Variants in RBFOX3 observed in about 807,000 individuals in gnomAD.
RBFOX3 encodes RNA binding protein fox-1 homolog 3.
Under a neutral mutation model 48.7 loss-of-function variants are expected in RBFOX3, and 17 were observed. The ratio of observed to expected loss-of-function variants is 0.35; its 90% CI spans 0.24 to 0.52. RBFOX3 has a LOEUF of 0.52. Among genes scored for constraint, RBFOX3 ranks in the 20% least tolerant of loss-of-function variants. RBFOX3 has a pLI of 0.94. For missense variants in RBFOX3, 382 were observed against 497.5 expected (o/e 0.77, Z 2.21); for synonymous variants, 212 against 209.5 (o/e 1.01, Z -0.10).
At chr17:79,520,586 C>T (rs1410331484) in intron 1 of RBFOX3, among the ~76,000 whole-genome samples, 1 of 152,254 alleles carries the variant, frequency 6.6e-6, no homozygotes, top group Non-Finnish European at 1.5e-5. Context: ...TGCTCTGCCT[C>T]ATGCACAGGG....
chr17:79,590,425 C>T (rs1426874931), intron 1 of RBFOX3, among the ~76,000 whole-genome samples: 1 of 152,212 alleles, frequency 6.6e-6, no homozygotes, highest in Admixed American at 6.5e-5. Flanking sequence ...GCTGGAAACT[C>T]ATTCTTCACA....
intron 4 of RBFOX3, among the ~76,000 whole-genome samples, chr17:79,157,039 C>T (rs566075875): frequency 6.6e-6 from 1 of 152,202 alleles, no homozygotes; most frequent in Admixed American, 6.5e-5. Flanking sequence ...CTCTCCTCAG[C>T]CGCTGCTGTG....
the RBFOX3 span, among the ~76,000 whole-genome samples, chr17:79,641,977 T>G: frequency 1.3e-5 from 2 of 152,312 alleles, no homozygotes; most frequent in East Asian, 3.9e-4. Context: ...GCCACCATGC[T>G]TCCTGTACAA....
chr17:79,213,081 T>C (rs2147173755), intron 4 of RBFOX3, among the ~76,000 whole-genome samples: 1 of 152,240 alleles, frequency 6.6e-6, no homozygotes, highest in South Asian at 2.1e-4. Context: ...GGTCATGAAC[T>C]CCTGACCTCA....
Position 79,111,307 on chromosome 17 carries a change from G to A in RBFOX3, c.222+4187C>T, listed in dbSNP as rs1228331665. Among the ~76,000 whole-genome samples the A allele has an allele frequency of 6.6e-6, 1 of 152,122 alleles. No individual in the cohort carries two copies. The highest frequency in any genetic ancestry group is 1.9e-4 in the East Asian group (1 of 5,156). On this transcript the variant is annotated intron_variant, in intron 5 of 14. Transcript: ENST00000693108. The surrounding 1 kb of genome is among the most constrained non-coding windows in gnomAD (Gnocchi z 4.2). ...CATCAGGCCCTTGCGGCCCACGTGG[G>A]GTCCCTTCTGGCAGGTGGAGGAGCC...
At chr17:79,472,493 G>C (rs969401861) in intron 2 of RBFOX3, among the ~76,000 whole-genome samples, 1 of 152,166 alleles carries the variant, frequency 6.6e-6, no homozygotes, top group Non-Finnish European at 1.5e-5. Flanking sequence ...AAGAGAAGAA[G>C]ATTAGGACAC....
At position 79,254,314 on chromosome 17, in the gene RBFOX3, G is replaced by A. The variant is rs1244667792; in HGVS notation, c.-73-18509C>T. On this transcript the variant is annotated intron_variant, in intron 3 of 14. Coordinates refer to ENST00000693108, the MANE Select transcript of RBFOX3 (RefSeq NM_001350451.2). The surrounding 1 kb of genome is among the most constrained non-coding windows in gnomAD (Gnocchi z 4.8). ...CTATTCCTGCCTCGTTCAGAACCCT[G>A]CCCACCCCGCAACCCCCAGGTGGCA... Among the ~76,000 whole-genome samples, 1 of 152,084 alleles carries A rather than the reference G, an allele frequency of 6.6e-6. No individual in the cohort carries two copies. Among genetic ancestry groups the A allele is most frequent in the Non-Finnish European group, 1.5e-5 (1 of 68,014 alleles).
chr17:79,587,422 A>G (rs935514519), intron 1 of RBFOX3, among the ~76,000 whole-genome samples: 8 of 152,230 alleles, frequency 5.3e-5, no homozygotes, highest in Non-Finnish European at 7.3e-5. Context: ...TGTCCTTTGC[A>G]GTAGACACCA....
In RBFOX3 at chr17:79,157,027, C is replaced by T. The variant is rs772865860; in HGVS notation, c.-33-41279G>A. On this transcript the variant is annotated intron_variant, in intron 4 of 14. Coordinates refer to ENST00000693108, the MANE Select transcript of RBFOX3 (RefSeq NM_001350451.2). Reference sequence around the variant, plus strand: ...TCCCTGGCCAGAGCAGCAGCCCCTGCGCTCTCCTCAGCCGCTGCTGTGGGC... The same window carrying T: ...TCCCTGGCCAGAGCAGCAGCCCCTGTGCTCTCCTCAGCCGCTGCTGTGGGC... Among the ~76,000 whole-genome samples the T allele has an allele frequency of 5.9e-5, 9 of 152,192 alleles. 1 individual carries two copies. Among genetic ancestry groups the T allele is most frequent in the Admixed American group, 1.3e-4 (2 of 15,290 alleles).
At chr17:79,524,385 G>A (rs1599039141) in intron 1 of RBFOX3, among the ~76,000 whole-genome samples, 1 of 152,170 alleles carries the variant, frequency 6.6e-6, no homozygotes, top group South Asian at 2.1e-4. Flanking sequence ...GCTTAATGGA[G>A]GCAGCCCGCT....
Position 79,204,139 on chromosome 17 carries a change from A to G in RBFOX3, c.-34+31627T>C, listed in dbSNP as rs1435919992. 6.6e-6 allele frequency among the ~76,000 whole-genome samples: 1 copy of G among 152,174 alleles called. No individual in the cohort carries two copies. The highest frequency in any genetic ancestry group is 1.5e-5 in the Non-Finnish European group (1 of 68,012). On this transcript the variant is annotated intron_variant, in intron 4 of 14. Coordinates refer to ENST00000693108, the MANE Select transcript of RBFOX3 (RefSeq NM_001350451.2). The surrounding 1 kb of genome is among the most constrained non-coding windows in gnomAD (Gnocchi z 4.5). ...TTGTCCCCCACTGAGAGCTGCCCCT[A>G]CTTCCCCTACTGCCATGACAGCAAT...
intron 4 of RBFOX3, among the ~76,000 whole-genome samples, chr17:79,127,776 G>A (rs1045048072): frequency 6.6e-6 from 1 of 152,216 alleles, no homozygotes; most frequent in African/African-American, 2.4e-5. Flanking sequence ...TATCTCCGAG[G>A]AGGGTGGAGC....
intron 1 of RBFOX3, among the ~76,000 whole-genome samples, chr17:79,546,090 C>T (rs11077443): frequency 0.29 from 44,338 of 152,176 alleles, 8,848 homozygotes; most frequent in African/African-American, 0.55. Flanking sequence ...AGCAAATAAT[C>T]TTCAATGGCT....
chr17:79,471,761 G>A lies in RBFOX3; in HGVS notation c.-175+10693C>T, dbSNP rs537410580. ...GGGCGTGTGCAGAGCCTGGGTGGAC[G>A]CAGGCAGGTTAGCTATCCCAGCCCT... is the stretch of plus-strand genomic sequence containing the variant. On this transcript the variant is annotated intron_variant, in intron 2 of 14. Coordinates refer to ENST00000693108, the MANE Select transcript of RBFOX3 (RefSeq NM_001350451.2). This position sits in a 1 kb window ranked among gnomAD's most constrained non-coding sequence, Gnocchi z 4.0. 5.9e-5 allele frequency among the ~76,000 whole-genome samples: 9 copies of A among 152,262 alleles called. No individual in the cohort carries two copies. Among genetic ancestry groups the A allele is most frequent in the South Asian group, 2.1e-4 (1 of 4,822 alleles).
rs965379815 is a variant in RBFOX3 at position 79,542,361 on chromosome 17, G to A, written c.-319-59763C>T. ...AGAAGGTAACGAAACTATGCAGTGT[G>A]AGCGCTAGTGGGGCGGCTCCCTAGT... On this transcript the variant is annotated intron_variant, in intron 1 of 14. Transcript: ENST00000693108. 2.6e-5 allele frequency among the ~76,000 whole-genome samples: 4 copies of A among 152,204 alleles called. No homozygotes were observed. In the East Asian group the frequency reaches 7.7e-4, roughly 29 times the overall value.
intron 2 of RBFOX3, among the ~76,000 whole-genome samples, chr17:79,360,612 C>T (rs978415): frequency 0.24 from 36,823 of 151,922 alleles, 4,607 homozygotes; most frequent in East Asian, 0.35. Context: ...GGCTGGGACT[C>T]AAAACCCCTA....
the RBFOX3 span, among the ~76,000 whole-genome samples, chr17:79,658,625 G>T: frequency 6.6e-6 from 1 of 151,942 alleles, no homozygotes; most frequent in Non-Finnish European, 1.5e-5. Context: ...TGTCGCTTGT[G>T]CAGAGCTAAG....
chr17:79,414,429 C>G (rs2064971865), intron 2 of RBFOX3, among the ~76,000 whole-genome samples: 1 of 152,158 alleles, frequency 6.6e-6, no homozygotes, highest in South Asian at 2.1e-4. Flanking sequence ...ACACACACAA[C>G]TTCCCCACAA....
intron 1 of RBFOX3, among the ~76,000 whole-genome samples, chr17:79,529,812 A>C (rs966990125): frequency 2.0e-5 from 3 of 152,186 alleles, no homozygotes; most frequent in Non-Finnish European, 2.9e-5. Context: ...GGGGCTGGCA[A>C]ACTCCGGCCA....
Sources: allele counts gnomAD v4.1 joint callset (sites outside exome capture counted in the v4.1 genomes callset), GRCh38; gene constraint gnomAD v4.1.1; non-coding constraint Gnocchi (gnomAD v3.1); transcripts MANE v1.5; gene names NCBI Gene and HGNC (gene_info 2026-07-23, HGNC 2026-07-21).